MLLT10: variants seen among roughly 807,000 people sequenced by gnomAD.
MLLT10 encodes the protein MLLT10 histone lysine methyltransferase DOT1L cofactor, also known as protein AF-10.
MLLT10 carries 30 observed loss-of-function variants against 129.1 expected under a neutral mutation model. The observed-to-expected ratio is 0.23, with a 90% CI of 0.17 to 0.32. MLLT10 has a LOEUF of 0.32. MLLT10 is among the 10% of genes least tolerant of loss of function. MLLT10 has a pLI of 1.00. For synonymous variants in MLLT10, 490 were observed against 446.4 expected, an observed-to-expected ratio of 1.10 and a Z score of -1.23; for missense variants, 1,119 against 1,268.3, an observed-to-expected ratio of 0.88 and a Z score of 1.79.
chr10:21,701,834 C>T (rs2054945310), intron 13 of MLLT10, among the ~76,000 whole-genome samples: 3 of 152,118 alleles, frequency 2.0e-5, no homozygotes, highest in African/African-American at 7.2e-5. Flanking sequence ...GGCAGTCCAC[C>T]AGCCTCAGCC....
intron 13 of MLLT10, among the ~76,000 whole-genome samples, chr10:21,690,607 G>A (rs79285961): frequency 0.019 from 2,822 of 151,764 alleles, 80 homozygotes; most frequent in African/African-American, 0.064. Context: ...TCTCAGTGTC[G>A]CCTGAGAAGT....
intron 13 of MLLT10, among the ~76,000 whole-genome samples, chr10:21,697,158 A>T (rs1410522837): frequency 6.7e-6 from 1 of 148,708 alleles, no homozygotes; most frequent in Non-Finnish European, 1.5e-5. Flanking sequence ...AGTTACAGTT[A>T]ATTTAGGGAA....
At chr10:21,709,323 C>G (rs561761870) in intron 13 of MLLT10, among the ~76,000 whole-genome samples, 1 of 151,968 alleles carries the variant, frequency 6.6e-6, no homozygotes, top group South Asian at 2.1e-4. Flanking sequence ...TTGCAACCTC[C>G]GCCTCTCAAG....
At chr10:21,584,486 T>C (rs1409027008) in intron 3 of MLLT10, among the ~76,000 whole-genome samples, 2 of 151,966 alleles carry the variant, frequency 1.3e-5, no homozygotes, top group African/African-American at 4.8e-5. Context: ...TTTTTTTAAA[T>C]TATTTTTTGT....
Position 21,738,664 on chromosome 10 carries a change from CTCATTCT to C in MLLT10, c.2956-1361_2956-1355del, listed in dbSNP as rs748429960. 854 of 705,528 alleles carry C rather than the reference CTCATTCT, an allele frequency of 1.2e-3. 1 individual carries two copies. The highest frequency in any genetic ancestry group is 1.4e-3 in the Non-Finnish European group (809 of 574,694). The allele number at this position is 705,528 out of a possible 1,614,324, so 43.7% of individuals were successfully genotyped here. A position where few individuals can be genotyped will look rare whatever the true frequency, so the allele number is the denominator to read the frequency against. On this transcript the variant is annotated intron_variant, in intron 21 of 22. Transcript: ENST00000307729. ...TGTTTGCTAAATCCAGTGGTCCCTT[CTCATTCT>C]TCATCTTAACGTCACCTGGCAACGG...
chr10:21,613,192 CAAAAAAAAAAA>C lies in MLLT10; in HGVS notation c.509+757_509+767del, dbSNP rs993493277. On this transcript the variant is annotated intron_variant, in intron 6 of 22. Coordinates refer to ENST00000307729, the MANE Select transcript of MLLT10 (RefSeq NM_001195626.3). The stretch of plus-strand genomic sequence containing the variant: ...CTGGCGACAAACCAAGACTCTGTCT[CAAAAAAAAAAA>C]AAAAAAAAAAAAAAAGATATTCTTT... 4.5e-3 allele frequency among the ~76,000 whole-genome samples: 111 copies of C among 24,640 alleles called. 2 individuals carry two copies. The highest frequency in any genetic ancestry group is 7.5e-3 in the African/African-American group (54 of 7,212). 16.2% of individuals were successfully genotyped at this position (24,640 alleles called of 152,430 possible).
At chr10:21,646,408 T>C (rs1256221275) in intron 8 of MLLT10, among the ~76,000 whole-genome samples, 3 of 152,142 alleles carry the variant, frequency 2.0e-5, no homozygotes, top group African/African-American at 7.2e-5. Flanking sequence ...TTCTGTCCTT[T>C]CTTTCTTTTT....
intron 9 of MLLT10, among the ~76,000 whole-genome samples, chr10:21,668,291 C>T (rs998033546): frequency 6.6e-6 from 1 of 152,084 alleles, no homozygotes; most frequent in Non-Finnish European, 1.5e-5. Context: ...TCAGCCATCT[C>T]CCACCTCCTT....
At position 21,736,725 on chromosome 10, in the gene MLLT10, G is replaced by A. The variant is rs142440610; in HGVS notation, c.2955+1490G>A. Among the ~76,000 whole-genome samples, 262 of 152,316 alleles carry A rather than the reference G, an allele frequency of 1.7e-3. No individual in the cohort carries two copies. In the Middle Eastern group the frequency reaches 0.02, roughly 12 times the overall value. ...TTTGGAGAGAAAAATAGGTGTCATG[G>A]ACACACTAAGCTTGAAATCTCTTTA... On this transcript the variant is annotated intron_variant, in intron 21 of 22. Coordinates refer to ENST00000307729, the MANE Select transcript of MLLT10 (RefSeq NM_001195626.3).
rs760869303 is a variant in MLLT10, at chr10:21,713,776, T to G, written c.1704T>G (p.Ile568Met). The change falls in exon 14 of 23, where the codon ATT becomes ATG. Residue 568 changes from isoleucine to methionine, a missense_variant. Ile to Met is a conservative substitution (Grantham distance 10, BLOSUM62 1). Around this residue, in one of 5 missense-constraint regions of MLLT10, gnomAD observed 1,004 missense variants for 1,008.7 expected, o/e 1.00. Coordinates refer to ENST00000307729, the MANE Select transcript of MLLT10 (RefSeq NM_001195626.3). ...SELLNAIHNG[I>M]YNSNDVAVSF... ...ATAACATTTGTTTTTTTGCAGGTAT[T>G]TATAACAGCAATGATGTAGCAGTAT... The G allele has an allele frequency of 1.9e-6, 3 of 1,607,296 alleles. 1 individual carries two copies. Among genetic ancestry groups the G allele is most frequent in the South Asian group, 2.2e-5 (2 of 89,542 alleles).
At position 21,589,465 on chromosome 10, in the gene MLLT10, T is replaced by C. The variant is rs549241182; in HGVS notation, c.295+3117T>C. On this transcript the variant is annotated intron_variant, in intron 4 of 22. Transcript: ENST00000307729. Reference sequence around the variant, plus strand: ...GCCTCAGCTTTGAGAGTGTTGGAATTACAGGAATGAGCCACTGCACCTGGT... The same window carrying C: ...GCCTCAGCTTTGAGAGTGTTGGAATCACAGGAATGAGCCACTGCACCTGGT... 3.3e-5 allele frequency among the ~76,000 whole-genome samples: 5 copies of C among 152,166 alleles called. No homozygotes were observed. The East Asian group carries it at 9.7e-4, about 29-fold the overall frequency.
intron 13 of MLLT10, among the ~76,000 whole-genome samples, chr10:21,692,134 A>C (rs1372034532): frequency 6.6e-6 from 1 of 151,906 alleles, no homozygotes; most frequent in African/African-American, 2.4e-5. Context: ...AGATCACGCT[A>C]CTGCACTCCA....
intron 13 of MLLT10, among the ~76,000 whole-genome samples, chr10:21,685,662 G>C (rs1000104660): frequency 1.3e-5 from 2 of 152,020 alleles, no homozygotes; most frequent in Non-Finnish European, 2.9e-5. Flanking sequence ...CTTTAAACCA[G>C]CATTTCAAAA....
At chr10:21,722,883 GATTTC>G (rs2057232115) in intron 14 of MLLT10, among the ~76,000 whole-genome samples, 1 of 152,140 alleles carries the variant, frequency 6.6e-6, no homozygotes, top group Non-Finnish European at 1.5e-5. Flanking sequence ...TGACGTTCAT[GATTTC>G]AGTTTCCCAG....
intron 13 of MLLT10, among the ~76,000 whole-genome samples, chr10:21,702,217 G>T (rs188139007): frequency 1.3e-5 from 2 of 152,296 alleles, no homozygotes; most frequent in African/African-American, 4.8e-5. Flanking sequence ...GAGCCACTGT[G>T]CCTGGCTATG....
At chr10:21,551,735 TTC>T (rs1036990602) in intron 3 of MLLT10, 1 of 393,518 alleles carries the variant, frequency 2.5e-6, no homozygotes, top group Non-Finnish European at 4.8e-6. Context: ...TATCTGTTTA[TTC>T]TGTTTTTGTG....
intron 3 of MLLT10, among the ~76,000 whole-genome samples, chr10:21,570,932 T>G (rs931576653): frequency 5.9e-5 from 9 of 152,208 alleles, no homozygotes; most frequent in Admixed American, 5.9e-4. Flanking sequence ...CTAGTTTCTC[T>G]AGTTTTGTTT....
intron 21 of MLLT10, chr10:21,738,388 T>G: frequency 7.8e-7 from 1 of 1,286,358 alleles, no homozygotes; most frequent in Non-Finnish European, 1.0e-6. Flanking sequence ...TTAATCAAGA[T>G]TTTACTCTAA....
intron 13 of MLLT10, among the ~76,000 whole-genome samples, chr10:21,705,431 CT>C (rs931330631): frequency 6.6e-6 from 1 of 152,160 alleles, no homozygotes; most frequent in Non-Finnish European, 1.5e-5. Context: ...CTCAGGCCCC[CT>C]GATGGTATTT....
Sources: gnomAD v4.1 joint callset for allele counts (sites outside exome capture counted in the v4.1 genomes callset) on GRCh38, gnomAD v4.1.1 for gene constraint, gnomAD v4.1.1 regional missense constraint, MANE v1.5 for transcripts, NCBI Gene and HGNC (gene_info 2026-07-23, HGNC 2026-07-21) for gene names.